FADD: variants seen among roughly 807,000 people sequenced by gnomAD.
FADD encodes Fas associated via death domain.
FADD carries 3 observed loss-of-function variants against 5.8 expected under a neutral mutation model. That is an observed-to-expected ratio of 0.52 (90% confidence interval 0.24 to 1.34). The LOEUF (loss-of-function observed/expected upper bound fraction) is 1.34, where lower values mean the gene tolerates loss of function less well. Ranked by LOEUF, FADD falls within the 40% of genes most tolerant of loss-of-function variation. The pLI, the probability that FADD is intolerant of heterozygous loss-of-function variation, is 0.17. For synonymous variants in FADD, 138 were observed against 130.8 expected (o/e 1.06, Z -0.38); for missense variants, 249 against 286.7 (o/e 0.87, Z 0.95).
At chr11:70,205,549 C>T (rs1306602127) in intron 1 of FADD, among the ~76,000 whole-genome samples, 2 of 152,144 alleles carry the variant, frequency 1.3e-5, no homozygotes, top group Admixed American at 1.3e-4. Context: ...GTGGTGGCTC[C>T]AGGCATTCTT....
At position 70,203,342 on chromosome 11, in the gene FADD, C is replaced by T; in HGVS notation, c.-118C>T. On this transcript the variant is annotated 5_prime_UTR_variant, in exon 1 of 2. Coordinates refer to ENST00000301838, the MANE Select transcript of FADD (RefSeq NM_003824.4). ...TGAATCAGGCACCGGAGTGCAGGTT[C>T]GGGGGTGGAATCCTTGGGCCGCTGG... 10 of 1,506,934 alleles carry T rather than the reference C, an allele frequency of 6.6e-6. No homozygotes were observed. The highest frequency in any genetic ancestry group is 6.3e-5 in the South Asian group (5 of 79,636). The allele number at this position is 1,506,934 out of a possible 1,614,324, so 93.3% of individuals were successfully genotyped here. A position where few individuals can be genotyped will look rare whatever the true frequency, so the allele number is the denominator to read the frequency against.
Position 70,206,127 on chromosome 11 carries a change from T to A in FADD, c.287-6T>A. 1.2e-6 allele frequency: 2 copies of A among 1,612,904 alleles called. No homozygotes were observed. The highest frequency in any genetic ancestry group is 1.7e-6 in the Non-Finnish European group (2 of 1,179,152). On this transcript the variant is annotated splice_region_variant and splice_polypyrimidine_tract_variant and intron_variant, in intron 1 of 1. Coordinates refer to ENST00000301838, the MANE Select transcript of FADD (RefSeq NM_003824.4). ...ATGGTAAACCGTTCTGTTCTTTCCTTCCCAGACCTGTGTGCAGCATTTAAC... is the reference window on the plus strand; with the variant it reads ...ATGGTAAACCGTTCTGTTCTTTCCTACCCAGACCTGTGTGCAGCATTTAAC...
At position 70,206,263 on chromosome 11, in the gene FADD, G is replaced by A. The variant is rs778668647; in HGVS notation, c.417G>A (p.Glu139=). ...ACAGATACCCCCGCAACCTGACAGA[G>A]CGTGTGCGGGAGTCACTGAGAATCT... ...IEDRYPRNLT[E]RVRESLRIWK... is the part of the protein sequence containing the mutation. The change falls in exon 2 of 2, where the codon GAG becomes GAA. Residue 139 remains glutamate (E), a synonymous_variant. Transcript: ENST00000301838. 2 of 1,614,086 alleles carry A rather than the reference G, an allele frequency of 1.2e-6. No homozygotes were observed. Among genetic ancestry groups the A allele is most frequent in the Admixed American group, 3.3e-5 (2 of 60,002 alleles).
At position 70,206,065 on chromosome 11, in the gene FADD, C is replaced by T. The variant is rs2049456962; in HGVS notation, c.287-68C>T. The T allele has an allele frequency of 1.8e-5, 25 of 1,375,352 alleles. No individual in the cohort carries two copies. The South Asian group carries it at 2.9e-4, about 16-fold the overall frequency. The allele number at this position is 1,375,352 out of a possible 1,614,324, so 85.2% of individuals were successfully genotyped here. A position where few individuals can be genotyped will look rare whatever the true frequency, so the allele number is the denominator to read the frequency against. On this transcript the variant is annotated intron_variant, in intron 1 of 1. Coordinates refer to ENST00000301838, the MANE Select transcript of FADD (RefSeq NM_003824.4). ...GCACTTGGCGTCTGTGCTGAAAAGC[C>T]CTAGGGAGGATTGTGGGGTCGCTTG...
At position 70,203,474 on chromosome 11, in the gene FADD, G is replaced by C. The variant is rs761276253; in HGVS notation, c.15G>C (p.Leu5=). Residue 5 remains leucine (L), a synonymous_variant, in exon 1 of 2, where the codon CTG becomes CTC. Coordinates refer to ENST00000301838, the MANE Select transcript of FADD (RefSeq NM_003824.4). MDPF[L]VLLHSVSSSL... is the part of the protein sequence containing the mutation. Reference sequence around the variant, plus strand: ...CAGACCCCGCCATGGACCCGTTCCTGGTGCTGCTGCACTCGGTGTCGTCCA... The same window carrying C: ...CAGACCCCGCCATGGACCCGTTCCTCGTGCTGCTGCACTCGGTGTCGTCCA... 1 of 1,586,996 alleles carries C rather than the reference G, an allele frequency of 6.3e-7. No homozygotes were observed. Among genetic ancestry groups the C allele is most frequent in the Admixed American group, 1.8e-5 (1 of 55,960 alleles).
At chr11:70,205,572 G>A (rs772287658) in intron 1 of FADD, among the ~76,000 whole-genome samples, 2 of 152,118 alleles carry the variant, frequency 1.3e-5, no homozygotes, top group Admixed American at 6.6e-5. Flanking sequence ...ACTTGTGGCC[G>A]CTTCACTCCA....
rs748403902 is a variant in FADD at position 70,203,646 on chromosome 11, C to T, written c.187C>T (p.Leu63=). 23 of 1,570,746 alleles carry T rather than the reference C, an allele frequency of 1.5e-5. No individual in the cohort carries two copies. The highest frequency in any genetic ancestry group is 2.5e-5 in the East Asian group (1 of 39,598). ...CCTGGAGCCCGGGCACACCGAGCTC[C>T]TGCGCGAGCTGCTCGCCTCCCTGCG... ...NDLEPGHTEL[L]RELLASLRRH... Residue 63 remains leucine, a synonymous_variant, in exon 1 of 2, where the codon CTG becomes TTG. Coordinates refer to ENST00000301838, the MANE Select transcript of FADD (RefSeq NM_003824.4).
Position 70,203,409 on chromosome 11 carries a change from G to A in FADD, c.-51G>A, listed in dbSNP as rs1272918738. On this transcript the variant is annotated 5_prime_UTR_variant, in exon 1 of 2. Transcript: ENST00000301838. ...GGCCAGGGCCAGCGAGCCGAGGACA[G>A]AGGGCGCACGGAGGGCCGGGCCGCA... 1 of 1,548,058 alleles carries A rather than the reference G, an allele frequency of 6.5e-7. No individual in the cohort carries two copies. Among genetic ancestry groups the A allele is most frequent in the Non-Finnish European group, 8.7e-7 (1 of 1,146,586 alleles).
At chr11:70,204,061 C>T (rs2049442086) in intron 1 of FADD, among the ~76,000 whole-genome samples, 1 of 152,130 alleles carries the variant, frequency 6.6e-6, no homozygotes, top group Admixed American at 6.5e-5. Flanking sequence ...GAGCCTGCCT[C>T]GCATCATTTC....
At chr11:70,205,969 G>A in intron 1 of FADD, among the ~76,000 whole-genome samples, 164 bp from the exon 2 acceptor site, 1 of 54,086 alleles carries the variant, frequency 1.8e-5, no homozygotes, top group African/African-American at 5.4e-5. Flanking sequence ...TGGGCATTTG[G>A]TGCAGCCCCT....
At chr11:70,204,880 A>C (rs1012155999) in intron 1 of FADD, among the ~76,000 whole-genome samples, 5 of 152,218 alleles carry the variant, frequency 3.3e-5, no homozygotes, top group Admixed American at 2.0e-4. Flanking sequence ...TCATGTAGTT[A>C]CTGTGTGCTG....
At chr11:70,204,955 C>T (rs984797598) in intron 1 of FADD, among the ~76,000 whole-genome samples, 1 of 152,206 alleles carries the variant, frequency 6.6e-6, no homozygotes, top group African/African-American at 2.4e-5. Flanking sequence ...CTCTGCCTTC[C>T]TCCCCAGAAG....
Position 70,206,605 on chromosome 11 carries a change from T to C in FADD, c.*132T>C, listed in dbSNP as rs1440259002. 57 of 804,622 alleles carry C rather than the reference T, an allele frequency of 7.1e-5. 1 individual carries two copies. The South Asian group carries it at 7.7e-4, about 11-fold the overall frequency. 49.8% of individuals were successfully genotyped at this position (804,622 alleles called of 1,614,324 possible). On this transcript the variant is annotated 3_prime_UTR_variant, in exon 2 of 2. Transcript: ENST00000301838. Reference sequence around the variant, plus strand: ...CTGAGTGAGCCACAGACCACCTGCTTCTGAACTCAAGCTGCGTTTATTAAT... The same window carrying C: ...CTGAGTGAGCCACAGACCACCTGCTCCTGAACTCAAGCTGCGTTTATTAAT...
intron 1 of FADD, among the ~76,000 whole-genome samples, chr11:70,204,527 C>T (rs2135898758): frequency 6.6e-6 from 1 of 152,240 alleles, no homozygotes; most frequent in African/African-American, 2.4e-5. Flanking sequence ...TCGGGAGAGG[C>T]TTGGGAGTGC....
chr11:70,203,543 C>T lies in FADD; in HGVS notation c.84C>T (p.Leu28=), dbSNP rs769041128. ...SELTELKFLC[L]GRVGKRKLER... is the part of the protein sequence containing the mutation. Reference sequence around the variant, plus strand: ...TGACCGAGCTCAAGTTCCTATGCCTCGGGCGCGTGGGCAAGCGCAAGCTGG... The same window carrying T: ...TGACCGAGCTCAAGTTCCTATGCCTTGGGCGCGTGGGCAAGCGCAAGCTGG... The change falls in exon 1 of 2, where the codon CTC becomes CTT. Residue 28 remains leucine (L), a synonymous_variant. Transcript: ENST00000301838. The T allele has an allele frequency of 2.5e-6, 4 of 1,612,068 alleles. No individual in the cohort carries two copies. The highest frequency in any genetic ancestry group is 1.7e-4 in the Middle Eastern group (1 of 6,058).
At chr11:70,204,127 G>A (rs2049442666) in intron 1 of FADD, among the ~76,000 whole-genome samples, 1 of 152,196 alleles carries the variant, frequency 6.6e-6, no homozygotes, top group Admixed American at 6.5e-5. Context: ...CTAGCATTCA[G>A]TAACTCCTAC....
chr11:70,203,511 A>C lies in FADD; in HGVS notation c.52A>C (p.Ser18Arg), dbSNP rs1408886315. 2.2e-5 allele frequency: 35 copies of C among 1,608,782 alleles called. No individual in the cohort carries two copies. Among genetic ancestry groups the C allele is most frequent in the Admixed American group, 3.4e-5 (2 of 59,512 alleles). Reference sequence around the variant, plus strand: ...CTCGGTGTCGTCCAGCCTGTCGAGCAGCGAGCTGACCGAGCTCAAGTTCCT... The same window carrying C: ...CTCGGTGTCGTCCAGCCTGTCGAGCCGCGAGCTGACCGAGCTCAAGTTCCT... ...LHSVSSSLSS[S>R]ELTELKFLCL... Residue 18 changes from serine (S) to arginine (R), a missense_variant, in exon 1 of 2, where the codon AGC becomes CGC. By Grantham distance (110) the Ser-to-Arg change is moderately radical. Coordinates refer to ENST00000301838, the MANE Select transcript of FADD (RefSeq NM_003824.4).
At position 70,206,406 on chromosome 11, in the gene FADD, A is replaced by G; in HGVS notation, c.560A>G (p.Gln187Arg). The G allele has an allele frequency of 6.2e-7, 1 of 1,614,152 alleles. No homozygotes were observed. The highest frequency in any genetic ancestry group is 8.5e-7 in the Non-Finnish European group (1 of 1,180,032). The change falls in exon 2 of 2, where the codon CAG becomes CGG. Residue 187 changes from glutamine to arginine, a missense_variant. Transcript: ENST00000301838. ...GAGGTTCAGCAGGCCCGTGACCTCCAGAACAGGAGTGGGGCCATGTCCCCG... is the reference window on the plus strand; with the variant it reads ...GAGGTTCAGCAGGCCCGTGACCTCCGGAACAGGAGTGGGGCCATGTCCCCG... ...VQEVQQARDL[Q>R]NRSGAMSPMS... is the part of the protein sequence containing the mutation.
chr11:70,206,642 A>G lies in FADD; in HGVS notation c.*169A>G. ...CTGCGTTTATTAATGCCTCTCCCGC[A>G]CCAGGCCGGGCTTGGGCCCTGCACA... On this transcript the variant is annotated 3_prime_UTR_variant, in exon 2 of 2. Transcript: ENST00000301838. 1 of 657,714 alleles carries G rather than the reference A, an allele frequency of 1.5e-6. No individual in the cohort carries two copies. Among genetic ancestry groups the G allele is most frequent in the Non-Finnish European group, 2.7e-6 (1 of 371,384 alleles). The allele number at this position is 657,714 out of a possible 1,614,324, so 40.7% of individuals were successfully genotyped here. A position where few individuals can be genotyped will look rare whatever the true frequency, so the allele number is the denominator to read the frequency against.
Sources: gnomAD v4.1 joint callset for allele counts (sites outside exome capture counted in the v4.1 genomes callset) on GRCh38, gnomAD v4.1.1 for gene constraint, MANE v1.5 for transcripts, NCBI Gene and HGNC (gene_info 2026-07-23, HGNC 2026-07-21) for gene names.